The following CNTLN variants were observed in gnomAD, a reference collection of about 807,000 sequenced individuals.
CNTLN encodes the protein centlein, centrosomal protein.
A neutral mutation model predicts 180.0 loss-of-function variants in CNTLN; 212 were observed. The ratio of observed to expected loss-of-function variants is 1.18; its 90% CI spans 1.05 to 1.32. The LOEUF is 1.32. CNTLN is among the 40% of genes most tolerant of loss of function. The pLI, the probability that CNTLN is intolerant of heterozygous loss-of-function variation, is 0.00. For missense variants in CNTLN, 2,095 were observed against 1,610.9 expected, an observed-to-expected ratio of 1.30 and a Z score of -5.14; for synonymous variants, 722 against 563.1, an observed-to-expected ratio of 1.28 and a Z score of -3.99.
At position 17,394,807 on chromosome 9, in the gene CNTLN, A is replaced by G. The variant is rs539718673; in HGVS notation, c.2353A>G (p.Arg785Gly). 6.2e-6 allele frequency: 10 copies of G among 1,614,052 alleles called. No homozygotes were observed. In the Admixed American group the frequency reaches 1.5e-4, roughly 24 times the overall value. Reference sequence around the variant, plus strand: ...ACAAGTGGCAGAAGCTAATGCATTGAGAAATGAAAATGAAGAGCTGATCAA... The same window carrying G: ...ACAAGTGGCAGAAGCTAATGCATTGGGAAATGAAAATGAAGAGCTGATCAA... ...RRQVAEANAL[R>G]NENEELINPM... The change falls in exon 15 of 26, where the codon AGA becomes GGA. Residue 785 changes from arginine (R) to glycine (G), a missense_variant. Physicochemically the swap from Arg to Gly is moderately radical, Grantham distance 125. Coordinates refer to ENST00000380647, the MANE Select transcript of CNTLN (RefSeq NM_017738.4).
chr9:17,428,325 T>C (rs970042987), intron 18 of CNTLN, among the ~76,000 whole-genome samples: 2 of 152,158 alleles, frequency 1.3e-5, no homozygotes, highest in Non-Finnish European at 2.9e-5. Context: ...ATAGCTAACC[T>C]TTACGTGCTT....
At chr9:17,465,844 A>G (rs145834654) in intron 21 of CNTLN, 137 bp from the exon 22 acceptor site, 370 of 661,068 alleles carry the variant, frequency 5.6e-4, no homozygotes, top group African/African-American at 4.5e-3. Flanking sequence ...CTGTAAGTAT[A>G]ATACTTGAAT....
At chr9:17,526,402 A>C in the CNTLN span, among the ~76,000 whole-genome samples, 2 of 152,244 alleles carry the variant, frequency 1.3e-5, no homozygotes, top group Non-Finnish European at 2.9e-5. Context: ...GTACAAAAAA[A>C]CTGACAAATT....
intron 10 of CNTLN, among the ~76,000 whole-genome samples, chr9:17,333,292 T>C (rs542355146): frequency 3.9e-5 from 6 of 152,290 alleles, no homozygotes; most frequent in African/African-American, 1.4e-4. Flanking sequence ...TATTAATACT[T>C]CCTAATTCAT....
At chr9:17,205,487 C>T (rs1421931489) in intron 2 of CNTLN, among the ~76,000 whole-genome samples, 1 of 152,152 alleles carries the variant, frequency 6.6e-6, no homozygotes, top group East Asian at 1.9e-4. Context: ...CCGAACTCAC[C>T]AGACCATGAT....
rs1385472486 is a variant in CNTLN at position 17,135,245 on chromosome 9, A to G, written c.180A>G (p.Glu60=). The change falls in exon 1 of 26, where the codon GAA becomes GAG. Residue 60 remains glutamate, a synonymous_variant. Coordinates refer to ENST00000380647, the MANE Select transcript of CNTLN (RefSeq NM_017738.4). Reference sequence around the variant, plus strand: ...AAAGTGATAAAATCTGGGTGGGTGAAGAAGGGTCAGGGGGCCGGCGAGGGC... The same window carrying G: ...AAAGTGATAAAATCTGGGTGGGTGAGGAAGGGTCAGGGGGCCGGCGAGGGC... The part of the protein sequence containing the change: ...ADESDKIWVG[E]EGSGGRRGPG... 2.5e-6 allele frequency: 4 copies of G among 1,607,386 alleles called. No individual in the cohort carries two copies. The highest frequency in any genetic ancestry group is 3.4e-6 in the Non-Finnish European group (4 of 1,177,364).
chr9:17,163,290 A>G (rs1230947994), intron 2 of CNTLN, among the ~76,000 whole-genome samples: 1 of 152,224 alleles, frequency 6.6e-6, no homozygotes, highest in Non-Finnish European at 1.5e-5. Context: ...GACACAGCCA[A>G]ACCATATTAG....
intron 5 of CNTLN, among the ~76,000 whole-genome samples, chr9:17,257,565 A>G (rs1826603731): frequency 6.6e-6 from 1 of 151,370 alleles, no homozygotes. Context: ...GACTTCCACA[A>G]TGGTTGAATT....
the CNTLN span, among the ~76,000 whole-genome samples, chr9:17,511,540 A>G: frequency 6.6e-6 from 1 of 152,100 alleles, no homozygotes; most frequent in East Asian, 1.9e-4. Flanking sequence ...AGTTGTTCTC[A>G]GTTGGACTTA....
chr9:17,277,718 T>C (rs1828400804), intron 6 of CNTLN, among the ~76,000 whole-genome samples: 1 of 152,098 alleles, frequency 6.6e-6, no homozygotes, highest in African/African-American at 2.4e-5. Context: ...CTTAATTGCA[T>C]CTTTTATACC....
At chr9:17,412,537 A>T (rs188666243) in intron 16 of CNTLN, among the ~76,000 whole-genome samples, 1 of 152,314 alleles carries the variant, frequency 6.6e-6, no homozygotes, top group East Asian at 1.9e-4. Context: ...GTACCCATAC[A>T]ATGGTTTTTT....
At chr9:17,468,218 A>G (rs1487482649) in intron 23 of CNTLN, among the ~76,000 whole-genome samples, 2 of 151,632 alleles carry the variant, frequency 1.3e-5, no homozygotes, top group Non-Finnish European at 3.0e-5. Context: ...AGAAGGCAAC[A>G]ATAGACATCG....
chr9:17,244,212 GT>G (rs1563916005), intron 5 of CNTLN, among the ~76,000 whole-genome samples: 3 of 76,342 alleles, frequency 3.9e-5, no homozygotes, highest in South Asian at 5.2e-4. Flanking sequence ...TTAGGTTTTT[GT>G]TTTTGTTTTT....
At chr9:17,371,613 A>C (rs372593818) in intron 13 of CNTLN, among the ~76,000 whole-genome samples, 1 of 152,158 alleles carries the variant, frequency 6.6e-6, no homozygotes, top group Non-Finnish European at 1.5e-5. Flanking sequence ...CTGTAGACCA[A>C]ATGGAGCTAA....
chr9:17,255,923 C>G (rs1176739355), intron 5 of CNTLN, among the ~76,000 whole-genome samples: 1 of 151,608 alleles, frequency 6.6e-6, no homozygotes, highest in Non-Finnish European at 1.5e-5. Context: ...TTGGATTATC[C>G]AATGTGTTAG....
rs371536492 is a variant in CNTLN, at chr9:17,164,997, G to A, written c.449+21621G>A. Among the ~76,000 whole-genome samples, 349 of 150,972 alleles carry A rather than the reference G, an allele frequency of 2.3e-3. 2 individuals carry two copies. Among genetic ancestry groups the A allele is most frequent in the African/African-American group, 8.1e-3 (331 of 41,106 alleles). On this transcript the variant is annotated intron_variant, in intron 2 of 25. Transcript: ENST00000380647. ...ATTACAGGTGCCTGCCATGATGCCC[G>A]GCTAATTTTTTTTTGTATTTTTAGT...
At chr9:17,491,830 C>A (rs1311733962) in intron 25 of CNTLN, among the ~76,000 whole-genome samples, 1 of 150,950 alleles carries the variant, frequency 6.6e-6, no homozygotes, top group Non-Finnish European at 1.5e-5. Flanking sequence ...AATATGCTTA[C>A]CTTCTGTAGA....
At chr9:17,434,631 A>G (rs1329213099) in intron 18 of CNTLN, among the ~76,000 whole-genome samples, 1 of 152,180 alleles carries the variant, frequency 6.6e-6, no homozygotes, top group African/African-American at 2.4e-5. Flanking sequence ...TATGGTCTAC[A>G]TATGGTCTAT....
At chr9:17,280,557 G>A (rs1416929901) in intron 6 of CNTLN, among the ~76,000 whole-genome samples, 1 of 152,126 alleles carries the variant, frequency 6.6e-6, no homozygotes, top group African/African-American at 2.4e-5. Flanking sequence ...TACAGAGTGG[G>A]CAAAAGTACA....
Sources: gnomAD v4.1 joint callset for allele counts (sites outside exome capture counted in the v4.1 genomes callset) on GRCh38, gnomAD v4.1.1 for gene constraint, MANE v1.5 for transcripts, NCBI Gene and HGNC (gene_info 2026-07-23, HGNC 2026-07-21) for gene names.